C3: variants seen among roughly 807,000 people sequenced by gnomAD.
C3 encodes the protein C3 and PZP-like alpha-2-macroglobulin domain-containing protein 1.
In C3, 97 loss-of-function variants were observed where a neutral mutation model predicts 207.9. The observed-to-expected ratio is 0.47, with a 90% CI of 0.40 to 0.55. The LOEUF is 0.55. Ranked by LOEUF, C3 falls within the 20% of genes least tolerant of loss-of-function variation. The pLI is 0.00. For synonymous variants in C3, 848 were observed against 857.6 expected (o/e 0.99, Z 0.20); for missense variants, 1,684 against 2,171.7 (o/e 0.78, Z 4.46).
intron 25 of C3, 136 bp from the exon 26 acceptor site, chr19:6,693,219 G>T: frequency 1.7e-6 from 2 of 1,153,764 alleles, no homozygotes; most frequent in South Asian, 1.3e-5. Flanking sequence ...CCAGGACCCA[G>T]CTGTTGTATG....
At chr19:6,693,176 T>C (rs934302351) in intron 25 of C3, 93 bp from the exon 26 acceptor site, 3 of 1,472,500 alleles carry the variant, frequency 2.0e-6, no homozygotes, top group Non-Finnish European at 9.4e-7. Context: ...GACCAGGGCC[T>C]GGCCCAGTTT....
At position 6,696,674 on chromosome 19, in the gene C3, A is replaced by G; in HGVS notation, c.2797-15T>C. 1.2e-6 allele frequency: 2 copies of G among 1,611,442 alleles called. No individual in the cohort carries two copies. The highest frequency in any genetic ancestry group is 4.5e-5 in the East Asian group (2 of 44,838). ...ATTCCTTCCGGCTACGCAGTGTTAG[A>G]GGTGGGGGGAGTCGTTGGATGAATA... On this transcript the variant is annotated splice_polypyrimidine_tract_variant and intron_variant, in intron 21 of 40. Transcript: ENST00000245907.
intron 30 of C3, 35 bp downstream of exon 30, chr19:6,684,953 G>A: frequency 1.2e-6 from 2 of 1,613,144 alleles, no homozygotes; most frequent in South Asian, 2.2e-5. Context: ...GGGGGAGACA[G>A]CCAGAGTGAG....
intron 4 of C3, chr19:6,717,563 TG>T (rs1968058797): frequency 4.0e-6 from 1 of 249,328 alleles, no homozygotes; most frequent in Non-Finnish European, 8.0e-6. Context: ...GTTGTGTGTG[TG>T]TTGTGTTTTG....
Position 6,697,497 on chromosome 19 carries a change from A to T in C3, c.2643T>A (p.Arg881=). 1 of 1,613,378 alleles carries T rather than the reference A, an allele frequency of 6.2e-7. No individual in the cohort carries two copies. The highest frequency in any genetic ancestry group is 8.5e-7 in the Non-Finnish European group (1 of 1,179,856). Residue 881 remains arginine, a synonymous_variant, in exon 21 of 41, where the codon CGT becomes CGA. Coordinates refer to ENST00000245907, the MANE Select transcript of C3 (RefSeq NM_000064.4). ...AFCSLATTKR[R]HQQTVTIPPK... ...GGGGGATGGTTACGGTCTGCTGGTGACGCCTCTTGGTGGTGGCCAGGCTGC... is the reference window on the plus strand; with the variant it reads ...GGGGGATGGTTACGGTCTGCTGGTGTCGCCTCTTGGTGGTGGCCAGGCTGC...
chr19:6,709,794 G>A lies in C3; in HGVS notation c.1735C>T (p.Gln579Ter). The change falls in exon 14 of 41, where the codon CAG (glutamine) becomes TAG (stop). Residue 579 changes from glutamine (Q) to a stop codon, truncating the protein, a stop_gained. Coordinates refer to ENST00000245907, the MANE Select transcript of C3 (RefSeq NM_000064.4). LOFTEE classifies it high-confidence loss of function. ...CCCTCTATCTTCAGGGTCATCTGCT[G>A]CCCAGGTACAGGCTGCCGGTCTTCT... ...QSEDRQPVPGQQMTLKIEGDH... is the reference protein window; with the variant it reads ...QSEDRQPVPG The A allele has an allele frequency of 6.2e-7, 1 of 1,614,012 alleles. No homozygotes were observed.
At chr19:6,684,090 C>G in intron 33 of C3, 1 of 409,682 alleles carries the variant, frequency 2.4e-6, no homozygotes, top group South Asian at 2.1e-5. Flanking sequence ...CAGAGCAAGA[C>G]CCTATCTCTC....
intron 17 of C3, among the ~76,000 whole-genome samples, chr19:6,706,242 C>T (rs1380559136): frequency 6.6e-6 from 1 of 152,196 alleles, no homozygotes; most frequent in Non-Finnish European, 1.5e-5. Context: ...TCCCTCAGAC[C>T]TCCAATGTCC....
chr19:6,715,625 T>TG lies in C3; in HGVS notation c.505-1180_505-1179insC, dbSNP rs200278143. 3.0e-3 allele frequency among the ~76,000 whole-genome samples: 429 copies of TG among 143,964 alleles called. 11 individuals are homozygous for TG. The highest frequency in any genetic ancestry group is 4.9e-3 in the African/African-American group (191 of 39,216). The allele number at this position is 143,964 out of a possible 152,430, so 94.4% of individuals were successfully genotyped here. A position where few individuals can be genotyped will look rare whatever the true frequency, so the allele number is the denominator to read the frequency against. ...AAAAATCTGTTTTTTTTTTGTTTTT[T>TG]TTGTTTTTTTTTTTGAGACGGAGTC... On this transcript the variant is annotated intron_variant, in intron 4 of 40. Transcript: ENST00000245907.
At position 6,720,629 on chromosome 19, in the gene C3, G is replaced by A; in HGVS notation, c.-40C>T. The A allele has an allele frequency of 6.7e-7, 1 of 1,489,220 alleles. No homozygotes were observed. Among genetic ancestry groups the A allele is most frequent in the African/African-American group, 1.4e-5 (1 of 72,236 alleles). The allele number at this position is 1,489,220 out of a possible 1,614,324, so 92.3% of individuals were successfully genotyped here. A position where few individuals can be genotyped will look rare whatever the true frequency, so the allele number is the denominator to read the frequency against. Reference sequence around the variant, plus strand: ...GCAGGGTCAGAGGGACAGAGGGACAGAGGGAGAGGATGGGGAGGAGTGAGC... The same window carrying A: ...GCAGGGTCAGAGGGACAGAGGGACAAAGGGAGAGGATGGGGAGGAGTGAGC... On this transcript the variant is annotated 5_prime_UTR_variant, in exon 1 of 41. Transcript: ENST00000245907.
Position 6,686,185 on chromosome 19 carries a change from G to A in C3, c.3749C>T (p.Pro1250Leu). The change falls in exon 29 of 41, where the codon CCT becomes CTT. Residue 1250 changes from proline to leucine, a missense_variant. Around this residue, in one of 3 missense-constraint regions of C3, gnomAD observed 1,280 missense variants for 1,739.1 expected, o/e 0.74. Transcript: ENST00000245907. ...LLQLKDFDFV[P>L]PVVRWLNEQR... ...TTCATTGAGCCAACGCACGACGGGA[G>A]GCACAAAGTCAAAGTCTTTTAGCTG... The A allele has an allele frequency of 6.2e-7, 1 of 1,614,168 alleles. No individual in the cohort carries two copies. The highest frequency in any genetic ancestry group is 1.3e-5 in the African/African-American group (1 of 75,050).
chr19:6,685,252 G>A, intron 29 of C3, 106 bp from the exon 30 acceptor site: 1 of 1,061,848 alleles, frequency 9.4e-7, no homozygotes, highest in South Asian at 1.3e-5. Flanking sequence ...ATCAAAATGT[G>A]GCCTAGAACC....
rs767776082 is a variant in C3, at chr19:6,696,585, C to T, written c.2863+8G>A. On this transcript the variant is annotated splice_region_variant and intron_variant, in intron 22 of 40. Coordinates refer to ENST00000245907, the MANE Select transcript of C3 (RefSeq NM_000064.4). ...GCCCCTCAGCCCCTCCCCCTGCAGC[C>T]GACTCACCACGGCCCAGGCGTTCTG... 4.3e-6 allele frequency: 7 copies of T among 1,613,912 alleles called. No individual in the cohort carries two copies. The highest frequency in any genetic ancestry group is 5.9e-6 in the Non-Finnish European group (7 of 1,179,830).
intron 23 of C3, 121 bp downstream of exon 23, chr19:6,696,258 T>G (rs559793737): frequency 1.5e-6 from 1 of 688,216 alleles, no homozygotes. Flanking sequence ...AGATCACAGA[T>G]GGGCTGTTCT....
In C3 at chr19:6,682,171, A is replaced by T; in HGVS notation, c.4231T>A (p.Phe1411Ile). 6.2e-7 allele frequency: 1 copy of T among 1,614,054 alleles called. No individual in the cohort carries two copies. Among genetic ancestry groups the T allele is most frequent in the South Asian group, 1.1e-5 (1 of 91,084 alleles). The change falls in exon 34 of 41, where the codon TTT (phenylalanine) becomes ATT (isoleucine). Residue 1411 changes from phenylalanine (F) to isoleucine (I), a missense_variant. By Grantham distance (21) the Phe-to-Ile change is conservative (BLOSUM62 0). Transcript: ENST00000245907. The part of the protein sequence containing the change: ...SILDISMMTG[F>I]APDTDDLKQL... ...TTCAGGTCATCTGTGTCTGGAGCAA[A>T]GCCAGTCATCATGGATATGTCCAAT...
In C3 at chr19:6,682,156, C is replaced by T. The variant is rs760821811; in HGVS notation, c.4246G>A (p.Asp1416Asn). The T allele has an allele frequency of 4.3e-6, 7 of 1,613,740 alleles. No homozygotes were observed. The South Asian group carries it at 5.5e-5, about 13-fold the overall frequency. Reference sequence around the variant, plus strand: ...GCCCTTCATACCTGCTTCAGGTCATCTGTGTCTGGAGCAAAGCCAGTCATC... The same window carrying T: ...GCCCTTCATACCTGCTTCAGGTCATTTGTGTCTGGAGCAAAGCCAGTCATC... ...SMMTGFAPDT[D>N]DLKQLANGVD... The change falls in exon 34 of 41, where the codon GAT becomes AAT. Residue 1416 changes from aspartate to asparagine, a missense_variant. Around this residue, in one of 3 missense-constraint regions of C3, gnomAD observed 346 missense variants for 380.1 expected, o/e 0.91. Transcript: ENST00000245907.
At chr19:6,714,632 C>T (rs752938129) in intron 4 of C3, among the ~76,000 whole-genome samples, 186 bp from the exon 5 acceptor site, 46 of 152,136 alleles carry the variant, frequency 3.0e-4, no homozygotes, top group Non-Finnish European at 5.9e-4. Flanking sequence ...GAGGCTGAGG[C>T]GGGCAGATCA....
chr19:6,707,507 C>T lies in C3; in HGVS notation c.2006G>A (p.Arg669Gln). The T allele has an allele frequency of 6.2e-7, 1 of 1,614,046 alleles. No homozygotes were observed. Among genetic ancestry groups the T allele is most frequent in the Non-Finnish European group, 8.5e-7 (1 of 1,179,972 alleles). Residue 669 changes from arginine (R) to glutamine (Q), a missense_variant, in exon 16 of 41, where the codon CGA becomes CAA. Arg to Gln is a conservative substitution (Grantham distance 43). Around this residue, in one of 3 missense-constraint regions of C3, gnomAD observed 1,280 missense variants for 1,739.1 expected, o/e 0.74. Coordinates refer to ENST00000245907, the MANE Select transcript of C3 (RefSeq NM_000064.4). ...ELQCPQPAARRRRSVQLTEKR... is the reference protein window; with the variant it reads ...ELQCPQPAARQRRSVQLTEKR... ...CTCCGTGAGCTGCACGGAACGGCGT[C>T]GGCGGGCGGCTGGCTGCGGGCACTG... is the stretch of plus-strand genomic sequence containing the variant.
chr19:6,710,027 G>A (rs1418117630), intron 13 of C3, among the ~76,000 whole-genome samples, 185 bp from the exon 14 acceptor site: 2 of 145,838 alleles, frequency 1.4e-5, no homozygotes, highest in Admixed American at 6.8e-5. Context: ...GAGAGAGGGC[G>A]GGAGAGAGAG....
Sources: gnomAD v4.1 joint callset for allele counts (sites outside exome capture counted in the v4.1 genomes callset) on GRCh38, gnomAD v4.1.1 for gene constraint, gnomAD v4.1.1 regional missense constraint, MANE v1.5 for transcripts, NCBI Gene and HGNC (gene_info 2026-07-23, HGNC 2026-07-21) for gene names.